Variants in PPP1R37 observed in about 807,000 individuals in gnomAD.
PPP1R37 encodes protein phosphatase 1 regulatory subunit 37.
Under a neutral mutation model 61.0 loss-of-function variants are expected in PPP1R37, and 21 were observed. That is an observed-to-expected ratio of 0.34 (90% CI 0.24 to 0.50). The LOEUF is 0.50. Among genes scored for constraint, PPP1R37 ranks in the 20% least tolerant of loss-of-function variants. PPP1R37 has a pLI of 0.98. For missense variants in PPP1R37, 910 were observed against 952.7 expected, an observed-to-expected ratio of 0.96 and a Z score of 0.59; for synonymous variants, 443 against 433.5, an observed-to-expected ratio of 1.02 and a Z score of -0.27.
At chr19:45,115,988 A>C (rs1451186531) in intron 1 of PPP1R37, among the ~76,000 whole-genome samples, 1 of 151,822 alleles carries the variant, frequency 6.6e-6, no homozygotes, top group East Asian at 1.9e-4. Context: ...AAAAAAAAAA[A>C]AGTTGTGTGT....
chr19:45,138,403 G>A lies in PPP1R37; in HGVS notation c.203-111G>A, dbSNP rs115442824. The A allele has an allele frequency of 3.5e-3, 2,477 of 703,208 alleles. 45 individuals are homozygous for A. In the African/African-American group the frequency reaches 0.037, roughly 11 times the overall value. 43.6% of individuals were successfully genotyped at this position (703,208 alleles called of 1,614,324 possible). ...AGAGCTCAGGCAGCCTGTTGTTGGG[G>A]GAGGGCTGAAGAGGGCAGTATGGGC... On this transcript the variant is annotated intron_variant, in intron 1 of 12. Coordinates refer to ENST00000221462, the MANE Select transcript of PPP1R37 (RefSeq NM_019121.2).
Position 45,146,557 on chromosome 19 carries a change from C to A in PPP1R37, c.*9-14C>A. ...TGGCTCTGACAGTCTCTCCCCCAAT[C>A]TCTCCTCCCCAAGTTCCCTTTTTCC... is the stretch of plus-strand genomic sequence containing the variant. On this transcript the variant is annotated splice_polypyrimidine_tract_variant and intron_variant, in intron 12 of 12. Transcript: ENST00000221462. 1 of 1,063,538 alleles carries A rather than the reference C, an allele frequency of 9.4e-7. No homozygotes were observed. Among genetic ancestry groups the A allele is most frequent in the Non-Finnish European group, 1.4e-6 (1 of 728,508 alleles). The allele number at this position is 1,063,538 out of a possible 1,614,324, so 65.9% of individuals were successfully genotyped here. A position where few individuals can be genotyped will look rare whatever the true frequency, so the allele number is the denominator to read the frequency against.
In PPP1R37 at chr19:45,130,650, C is replaced by T. The variant is rs1410656515; in HGVS notation, c.203-7864C>T. On this transcript the variant is annotated intron_variant, in intron 1 of 12. Coordinates refer to ENST00000221462, the MANE Select transcript of PPP1R37 (RefSeq NM_019121.2). This position sits in a 1 kb window ranked among gnomAD's most constrained non-coding sequence, Gnocchi z 4.4. Reference sequence around the variant, plus strand: ...ACAAAATAACACCTGCATTGCAAAGCGTGGTTATTCTGAGCCTGGTTGCCA... The same window carrying T: ...ACAAAATAACACCTGCATTGCAAAGTGTGGTTATTCTGAGCCTGGTTGCCA... Among the ~76,000 whole-genome samples the T allele has an allele frequency of 6.6e-6, 1 of 152,314 alleles. No homozygotes were observed. Among genetic ancestry groups the T allele is most frequent in the Non-Finnish European group, 1.5e-5 (1 of 68,018 alleles).
At chr19:45,116,482 G>T (rs1968268921) in intron 1 of PPP1R37, among the ~76,000 whole-genome samples, 1 of 152,252 alleles carries the variant, frequency 6.6e-6, no homozygotes, top group Admixed American at 6.5e-5. Context: ...GGGCAGAGAA[G>T]AGCCCCTCTC....
chr19:45,141,271 C>T (rs1968607786), intron 4 of PPP1R37, 51 bp from the exon 5 acceptor site: 1 of 1,498,972 alleles, frequency 6.7e-7, no homozygotes, highest in African/African-American at 1.4e-5. Context: ...CCACGCCTCT[C>T]CTCCAGGGCA....
chr19:45,102,193 C>T (rs1394877041), intron 1 of PPP1R37, among the ~76,000 whole-genome samples: 1 of 152,258 alleles, frequency 6.6e-6, no homozygotes, highest in Non-Finnish European at 1.5e-5. Flanking sequence ...CCATCCCAAA[C>T]CCCTCTGGTG....
At chr19:45,111,968 C>CT (rs1968206827) in intron 1 of PPP1R37, among the ~76,000 whole-genome samples, 1 of 151,368 alleles carries the variant, frequency 6.6e-6, no homozygotes, top group African/African-American at 2.4e-5. Flanking sequence ...TTTTTCTTTT[C>CT]TTTCTTTTTT....
At chr19:45,145,314 G>T in intron 10 of PPP1R37, 39 bp from the exon 11 acceptor site, 1 of 1,522,906 alleles carries the variant, frequency 6.6e-7, no homozygotes. Context: ...CGGGTGGTGG[G>T]GCCGGCCTGA....
At chr19:45,140,644 C>T in intron 4 of PPP1R37, 38 bp downstream of exon 4, 2 of 1,470,496 alleles carry the variant, frequency 1.4e-6, no homozygotes, top group Non-Finnish European at 9.2e-7. Flanking sequence ...GCTCCCTGAG[C>T]TCCCGGGCCC....
chr19:45,099,605 G>A (rs543754661), intron 1 of PPP1R37, among the ~76,000 whole-genome samples: 60 of 152,348 alleles, frequency 3.9e-4, no homozygotes, highest in Admixed American at 7.2e-4. Flanking sequence ...GCCGCTCTCC[G>A]TGCCTGTACA....
chr19:45,146,519 C>G (rs1568453159), intron 12 of PPP1R37, 39 bp downstream of exon 12: 6 of 1,392,554 alleles, frequency 4.3e-6, no homozygotes, highest in Non-Finnish European at 4.9e-6. Context: ...TCGGGAGGAG[C>G]TGAGAGAGCC....
intron 1 of PPP1R37, among the ~76,000 whole-genome samples, chr19:45,127,317 A>G (rs1170493536): frequency 7.3e-6 from 1 of 136,074 alleles, no homozygotes; most frequent in Non-Finnish European, 1.5e-5. Flanking sequence ...ATGCTATTAC[A>G]CTCCAGCCTG....
Position 45,146,456 on chromosome 19 carries a change from G to C in PPP1R37, c.2060G>C (p.Gly687Ala). Residue 687 changes from glycine to alanine, a missense_variant, in exon 12 of 13, where the codon GGG becomes GCG. Coordinates refer to ENST00000221462, the MANE Select transcript of PPP1R37 (RefSeq NM_019121.2). The stretch of plus-strand genomic sequence containing the variant: ...CTTCTGGAAGCCAGTCAGGAATCCG[G>C]GCAGGAGACACTGTGACACTTTAGG... ...ELLLEASQES[G>A]QETL 6.5e-7 allele frequency: 1 copy of C among 1,535,800 alleles called. No individual in the cohort carries two copies. The highest frequency in any genetic ancestry group is 1.2e-5 in the South Asian group (1 of 84,046).
chr19:45,117,865 G>A (rs751716527), intron 1 of PPP1R37, among the ~76,000 whole-genome samples: 1 of 152,244 alleles, frequency 6.6e-6, no homozygotes, highest in Non-Finnish European at 1.5e-5. Context: ...TGGCATTGTT[G>A]ACTCAGTGGC....
chr19:45,140,605 A>T lies in PPP1R37; in HGVS notation c.446A>T (p.Asp149Val). The T allele has an allele frequency of 6.5e-7, 1 of 1,535,398 alleles. No individual in the cohort carries two copies. Among genetic ancestry groups the T allele is most frequent in the Non-Finnish European group, 8.7e-7 (1 of 1,146,322 alleles). Residue 149 changes from aspartate to valine, a missense_variant and splice_region_variant, in exon 4 of 13, where the codon GAT (aspartate) becomes GTT (valine). Physicochemically the swap from Asp to Val is radical, Grantham distance 152. Transcript: ENST00000221462. ...CTGGAGCAGACAAACCTGGATGAAG[A>T]TGTGAGCGGCCCTGCCACCGCCCAC... ...VDLEQTNLDE[D>V]GASALFDMIE... is the part of the protein sequence containing the mutation.
chr19:45,096,797 G>A (rs1286753843), intron 1 of PPP1R37, among the ~76,000 whole-genome samples: 1 of 152,176 alleles, frequency 6.6e-6, no homozygotes, highest in Non-Finnish European at 1.5e-5. Context: ...AGGAGTCCGT[G>A]CGTCTGAGCT....
intron 1 of PPP1R37, among the ~76,000 whole-genome samples, chr19:45,124,651 A>C (rs1326900630): frequency 6.6e-6 from 1 of 152,104 alleles, no homozygotes; most frequent in Non-Finnish European, 1.5e-5. Context: ...CAGTGCCAGC[A>C]CAGAGCTTGG....
chr19:45,142,563 A>AGCAGG, intron 7 of PPP1R37, 105 bp downstream of exon 7: 5 of 1,183,448 alleles, frequency 4.2e-6, no homozygotes, highest in Non-Finnish European at 5.9e-6. Context: ...AGACCACCCC[A>AGCAGG]ACGCTGTCCT....
chr19:45,096,265 G>A (rs779583326), intron 1 of PPP1R37, among the ~76,000 whole-genome samples: 17 of 152,092 alleles, frequency 1.1e-4, no homozygotes, highest in Non-Finnish European at 2.5e-4. Flanking sequence ...GGTGCGAGGG[G>A]GAAGATGGTC....
Sources: allele counts gnomAD v4.1 joint callset (sites outside exome capture counted in the v4.1 genomes callset), GRCh38; gene constraint gnomAD v4.1.1; non-coding constraint Gnocchi (gnomAD v3.1); transcripts MANE v1.5; gene names NCBI Gene and HGNC (gene_info 2026-07-23, HGNC 2026-07-21).